Variants in PALD1 observed in about 807,000 individuals in gnomAD.
PALD1 encodes paladin.
A neutral mutation model predicts 96.0 loss-of-function variants in PALD1; 57 were observed. The observed-to-expected ratio is 0.59, with a 90% CI of 0.48 to 0.74. The LOEUF is 0.74. Ranked by LOEUF, PALD1 falls within the 30% of genes least tolerant of loss-of-function variation. The pLI, the probability that PALD1 is intolerant of heterozygous loss-of-function variation, is 0.00. For missense variants in PALD1, 1,063 were observed against 1,143.7 expected, an observed-to-expected ratio of 0.93 and a Z score of 1.02; for synonymous variants, 464 against 473.6, an observed-to-expected ratio of 0.98 and a Z score of 0.26.
At chr10:70,469,867 C>T in the PALD1 span, among the ~76,000 whole-genome samples, 2 of 152,206 alleles carry the variant, frequency 1.3e-5, no homozygotes, top group African/African-American at 4.8e-5. Context: ...AATCTCGGCT[C>T]GCTGCAACCT....
chr10:70,475,144 G>T (rs1845806477), upstream of PALD1, among the ~76,000 whole-genome samples: 1 of 152,232 alleles, frequency 6.6e-6, no homozygotes, highest in South Asian at 2.1e-4. Context: ...AGGAGACTTG[G>T]AGCAATGTGG....
At chr10:70,560,947 G>A (rs1233634139) in intron 18 of PALD1, among the ~76,000 whole-genome samples, 6 of 151,358 alleles carry the variant, frequency 4.0e-5, no homozygotes, top group South Asian at 4.2e-4. Flanking sequence ...CATGGGGGAC[G>A]GTGTTAAGGA....
At chr10:70,487,999 TTACTC>T (rs1235724555) in intron 1 of PALD1, among the ~76,000 whole-genome samples, 2 of 152,256 alleles carry the variant, frequency 1.3e-5, no homozygotes, top group East Asian at 3.8e-4. Context: ...ACTGGCTTCT[TTACTC>T]AACATGATGT....
upstream of PALD1, among the ~76,000 whole-genome samples, chr10:70,476,361 T>C (rs1160659050): frequency 6.6e-6 from 1 of 152,228 alleles, no homozygotes; most frequent in East Asian, 1.9e-4. Context: ...TCCTTCAACA[T>C]TCAGTCCTTG....
chr10:70,562,549 G>A (rs1564713902), intron 18 of PALD1, among the ~76,000 whole-genome samples: 1 of 152,214 alleles, frequency 6.6e-6, no homozygotes, highest in Non-Finnish European at 1.5e-5. Context: ...CAGCCCAGCT[G>A]TGAGGAGAGC....
At chr10:70,458,614 C>A in the PALD1 span, among the ~76,000 whole-genome samples, 1 of 152,168 alleles carries the variant, frequency 6.6e-6, no homozygotes, top group Non-Finnish European at 1.5e-5. Flanking sequence ...CAAGGGGGAC[C>A]CGCCCCTCTC....
At chr10:70,565,821 G>A (rs532039207) in intron 19 of PALD1, among the ~76,000 whole-genome samples, 3 of 152,220 alleles carry the variant, frequency 2.0e-5, no homozygotes, top group Non-Finnish European at 2.9e-5. Context: ...CTTCCTGCTT[G>A]GGTTCTGCTT....
chr10:70,556,279 C>CCTCCCTCTCTCCCTCTCCCT (rs527928462), intron 18 of PALD1, among the ~76,000 whole-genome samples: 2 of 128,652 alleles, frequency 1.6e-5, no homozygotes, highest in Non-Finnish European at 3.4e-5. Context: ...GTAGCCGAGA[C>CCTCCCTCTCTCCCTCTCCCT]CTCTCTCTCT....
chr10:70,501,459 G>T (rs1846292237), intron 1 of PALD1, among the ~76,000 whole-genome samples: 1 of 152,204 alleles, frequency 6.6e-6, no homozygotes, highest in Admixed American at 6.5e-5. Flanking sequence ...TGGGCCTCTG[G>T]TGAGGGACAG....
the PALD1 span, among the ~76,000 whole-genome samples, chr10:70,467,933 G>T: frequency 6.6e-6 from 1 of 152,044 alleles, no homozygotes; most frequent in East Asian, 1.9e-4. Context: ...TCTGAAGTTC[G>T]CCACCTGCCA....
At chr10:70,537,616 A>G (rs959452906) in intron 10 of PALD1, among the ~76,000 whole-genome samples, 195 bp from the exon 11 acceptor site, 1 of 152,214 alleles carries the variant, frequency 6.6e-6, no homozygotes, top group Non-Finnish European at 1.5e-5. Flanking sequence ...ATCTCCCCTG[A>G]CCGCAGATAA....
At chr10:70,464,981 G>A in the PALD1 span, among the ~76,000 whole-genome samples, 8 of 145,448 alleles carry the variant, frequency 5.5e-5, no homozygotes, top group African/African-American at 2.1e-4. Flanking sequence ...ATGTATGTAT[G>A]TATGTATGTT....
At chr10:70,520,984 G>T (rs191253846) in intron 1 of PALD1, among the ~76,000 whole-genome samples, 1 of 152,114 alleles carries the variant, frequency 6.6e-6, no homozygotes, top group African/African-American at 2.4e-5. Flanking sequence ...GAGCCACCGC[G>T]CCCGGCCAGT....
chr10:70,561,398 C>A (rs1298619896), intron 18 of PALD1, among the ~76,000 whole-genome samples: 2 of 152,326 alleles, frequency 1.3e-5, no homozygotes, highest in East Asian at 3.9e-4. Context: ...AGGCTCCAGG[C>A]TTTCGGATGG....
rs375370981 is a variant in PALD1 at position 70,555,052 on chromosome 10, A to G, written c.2262+7606A>G. 3.0e-4 allele frequency among the ~76,000 whole-genome samples: 36 copies of G among 121,468 alleles called. No homozygotes were observed. The East Asian group carries it at 4.6e-3, about 16-fold the overall frequency. 79.7% of individuals were successfully genotyped at this position (121,468 alleles called of 152,430 possible). ...AGTGGCACAACCTTGGCTCACTGCAATTTCTGCCTCCCAGGTTCAAGTGAT... is the reference window on the plus strand; with the variant it reads ...AGTGGCACAACCTTGGCTCACTGCAGTTTCTGCCTCCCAGGTTCAAGTGAT... On this transcript the variant is annotated intron_variant, in intron 18 of 19. Coordinates refer to ENST00000263563, the MANE Select transcript of PALD1 (RefSeq NM_014431.3).
intron 2 of PALD1, among the ~76,000 whole-genome samples, chr10:70,528,710 T>G (rs1441968698): frequency 6.6e-6 from 1 of 152,162 alleles, no homozygotes; most frequent in African/African-American, 2.4e-5. Context: ...ACGAAGCTCA[T>G]CTCTTACATG....
rs190139641 is a variant in PALD1, at chr10:70,552,667, C to T, written c.2262+5221C>T. ...TACTTCTTCTGTGCATATTTCAGTACGTACCTCTAAAGAAGGGGGATCTTT... is the reference window on the plus strand; with the variant it reads ...TACTTCTTCTGTGCATATTTCAGTATGTACCTCTAAAGAAGGGGGATCTTT... On this transcript the variant is annotated intron_variant, in intron 18 of 19. Transcript: ENST00000263563. Among the ~76,000 whole-genome samples, 346 of 152,248 alleles carry T rather than the reference C, an allele frequency of 2.3e-3. 3 individuals are homozygous for T. Among genetic ancestry groups the T allele is most frequent in the Non-Finnish European group, 3.8e-3 (257 of 68,018 alleles).
intron 2 of PALD1, 117 bp downstream of exon 2, chr10:70,526,253 G>A: frequency 1.3e-6 from 1 of 791,828 alleles, no homozygotes; most frequent in Non-Finnish European, 2.1e-6. Flanking sequence ...CGGGTTCATA[G>A]ATGATGACAC....
intron 1 of PALD1, among the ~76,000 whole-genome samples, chr10:70,515,909 G>C (rs1455935434): frequency 6.6e-6 from 1 of 152,138 alleles, no homozygotes; most frequent in Admixed American, 6.5e-5. Context: ...TGCCACTCCT[G>C]CAAGCCCTCG....
Sources: allele counts gnomAD v4.1 joint callset (sites outside exome capture counted in the v4.1 genomes callset), GRCh38; gene constraint gnomAD v4.1.1; transcripts MANE v1.5; gene names NCBI Gene and HGNC (gene_info 2026-07-23, HGNC 2026-07-21).